GRIK5: variants seen among roughly 807,000 people sequenced by gnomAD.
The protein encoded by GRIK5 is glutamate receptor ionotropic, kainate 5.
Under a neutral mutation model 97.4 loss-of-function variants are expected in GRIK5, and 43 were observed. The observed-to-expected ratio is 0.44, with a 90% CI of 0.35 to 0.57. The LOEUF (loss-of-function observed/expected upper bound fraction) is 0.57. Ranked by LOEUF, GRIK5 falls within the 20% of genes least tolerant of loss-of-function variation. The probability of loss-of-function intolerance (pLI) is 0.01; values close to 1 mark genes in which losing one functional copy is unlikely to be tolerated. For missense variants in GRIK5, 1,015 were observed against 1,382.0 expected (o/e 0.73, Z 4.21); for synonymous variants, 580 against 583.5 (o/e 0.99, Z 0.09).
At chr19:42,013,286 A>G (rs903295540) in intron 15 of GRIK5, among the ~76,000 whole-genome samples, 4 of 152,046 alleles carry the variant, frequency 2.6e-5, no homozygotes, top group African/African-American at 4.8e-5. Flanking sequence ...CAGGAGTTTG[A>G]GGCTGTAGGG....
At chr19:42,016,370 G>A (rs750118802) in intron 15 of GRIK5, among the ~76,000 whole-genome samples, 6 of 152,210 alleles carry the variant, frequency 3.9e-5, no homozygotes, top group South Asian at 4.1e-4. Context: ...GCAGTGAGCC[G>A]AGATCGTGCC....
At chr19:42,040,706 A>C (rs1021079649) in intron 12 of GRIK5, among the ~76,000 whole-genome samples, 11 of 152,134 alleles carry the variant, frequency 7.2e-5, no homozygotes, top group Admixed American at 2.0e-4. Flanking sequence ...AAATACAAAA[A>C]TCAGCCAGGC....
At position 42,021,247 on chromosome 19, in the gene GRIK5, C is replaced by T. The variant is rs1207975975; in HGVS notation, c.1871+54G>A. ...TGCCACAGCCCCAACCCCATCCAGG[C>T]CTCAGATGGGTCCCTCCCTCGCCCC... On this transcript the variant is annotated intron_variant, in intron 15 of 19. Coordinates refer to ENST00000593562, the MANE Select transcript of GRIK5 (RefSeq NM_002088.5). This position sits in a 1 kb window ranked among gnomAD's most constrained non-coding sequence, Gnocchi z 4.2. 2.8e-6 allele frequency: 4 copies of T among 1,448,734 alleles called. No homozygotes were observed. The highest frequency in any genetic ancestry group is 1.9e-5 in the Admixed American group (1 of 53,006). The allele number at this position is 1,448,734 out of a possible 1,614,324, so 89.7% of individuals were successfully genotyped here.
Position 42,054,567 on chromosome 19 carries a change from A to ATAT in GRIK5, c.904-96_904-95insATA. The stretch of plus-strand genomic sequence containing the variant: ...TGAGCTGCCACCCTCAAACCCTCAA[A>ATAT]TAACTTCCCTCTCCCCAGGAATGGG... On this transcript the variant is annotated intron_variant, in intron 8 of 19. Transcript: ENST00000593562. 2.9e-6 allele frequency: 4 copies of ATAT among 1,380,298 alleles called. No homozygotes were observed. The South Asian group carries it at 5.1e-5, about 18-fold the overall frequency. The allele number at this position is 1,380,298 out of a possible 1,614,324, so 85.5% of individuals were successfully genotyped here.
intron 12 of GRIK5, among the ~76,000 whole-genome samples, chr19:42,040,316 C>G (rs1244634855): frequency 1.3e-5 from 2 of 152,140 alleles, no homozygotes; most frequent in African/African-American, 4.8e-5. Context: ...AAGAACTGTT[C>G]CAGACTTCTC....
At chr19:42,053,524 A>C in intron 11 of GRIK5, 78 bp downstream of exon 11, 1 of 876,408 alleles carries the variant, frequency 1.1e-6, no homozygotes, top group Non-Finnish European at 1.9e-6. Context: ...CAGCCAATGC[A>C]TCCCTCCACC....
intron 12 of GRIK5, among the ~76,000 whole-genome samples, chr19:42,040,538 G>A (rs530330108): frequency 2.0e-5 from 3 of 152,226 alleles, no homozygotes; most frequent in African/African-American, 4.8e-5. Context: ...TGTCTCACCC[G>A]GGGCCTCTTT....
In GRIK5 at chr19:41,999,317, G is replaced by C; in HGVS notation, c.2515-18C>G. 2 of 1,502,882 alleles carry C rather than the reference G, an allele frequency of 1.3e-6. No individual in the cohort carries two copies. Among genetic ancestry groups the C allele is most frequent in the South Asian group, 1.2e-5 (1 of 81,606 alleles). 93.1% of individuals were successfully genotyped at this position (1,502,882 alleles called of 1,614,324 possible). ...ACCGACACCTGGGGGTGGCGCGGGC[G>C]GTCACCGTCCCGGCGCAGTCCGCCT... On this transcript the variant is annotated intron_variant, in intron 19 of 19. Coordinates refer to ENST00000593562, the MANE Select transcript of GRIK5 (RefSeq NM_002088.5). This position sits in a 1 kb window ranked among gnomAD's most constrained non-coding sequence, Gnocchi z 5.0.
In GRIK5 at chr19:41,998,979, C is replaced by T. The variant is rs782455178; in HGVS notation, c.2835G>A (p.Ser945=). The T allele has an allele frequency of 1.2e-4, 147 of 1,180,694 alleles. No homozygotes were observed. Among genetic ancestry groups the T allele is most frequent in the Admixed American group, 1.9e-4 (5 of 25,948 alleles). 73.1% of individuals were successfully genotyped at this position (1,180,694 alleles called of 1,614,324 possible). ...ECRRIQALRA[S]GAGAPPRGLG... ...GGCCACGCGGAGGCGCGCCGGCCCC[C>T]GAGGCCCGCAGCGCCTGGATGCGCC... Residue 945 remains serine (S), a synonymous_variant, in exon 20 of 20, where the codon TCG becomes TCA. Coordinates refer to ENST00000593562, the MANE Select transcript of GRIK5 (RefSeq NM_002088.5).
intron 11 of GRIK5, among the ~76,000 whole-genome samples, chr19:42,052,629 G>A (rs1172274766): frequency 3.3e-5 from 5 of 152,244 alleles, no homozygotes; most frequent in African/African-American, 4.8e-5. Context: ...ACACAGCTCA[G>A]AGTTACTGAG....
At chr19:42,047,704 T>C (rs982507857) in intron 11 of GRIK5, among the ~76,000 whole-genome samples, 2 of 152,080 alleles carry the variant, frequency 1.3e-5, no homozygotes, top group Admixed American at 1.3e-4. Flanking sequence ...GTGCGGTGGA[T>C]CATGCCTGTA....
chr19:42,010,844 G>T lies in GRIK5; in HGVS notation c.1872-4034C>A, dbSNP rs573318699. Among the ~76,000 whole-genome samples the T allele has an allele frequency of 1.4e-4, 22 of 152,168 alleles. No homozygotes were observed. The South Asian group carries it at 4.6e-3, about 32-fold the overall frequency. On this transcript the variant is annotated intron_variant, in intron 15 of 19. Transcript: ENST00000593562. ...GGTTTGGTTTTGTTTTTGAGACAGGGTCCTGCTCTAGGGTGGAGAGGCGTG... is the reference window on the plus strand; with the variant it reads ...GGTTTGGTTTTGTTTTTGAGACAGGTTCCTGCTCTAGGGTGGAGAGGCGTG...
chr19:42,059,583 T>C, intron 5 of GRIK5, 56 bp from the exon 6 acceptor site: 1 of 1,459,132 alleles, frequency 6.9e-7, no homozygotes. Context: ...AGGCATGGCG[T>C]AGACACTCTC....
intron 12 of GRIK5, among the ~76,000 whole-genome samples, chr19:42,027,411 C>T (rs1039234494): frequency 6.6e-6 from 1 of 152,210 alleles, no homozygotes; most frequent in African/African-American, 2.4e-5. Flanking sequence ...AAGAGACTTG[C>T]AGCATCCAGC....
rs1291685459 is a variant in GRIK5 at position 42,022,838 on chromosome 19, G to A, written c.1474-484C>T. ...TCAGCATGTGCCCACAGCCAGTGGA[G>A]ACATAACCCAGGCCCCGGCCCAGTG... is the stretch of plus-strand genomic sequence containing the variant. On this transcript the variant is annotated intron_variant, in intron 12 of 19. Transcript: ENST00000593562. The surrounding 1 kb of genome is among the most constrained non-coding windows in gnomAD (Gnocchi z 4.2). 6.6e-6 allele frequency among the ~76,000 whole-genome samples: 1 copy of A among 151,962 alleles called. No individual in the cohort carries two copies. Among genetic ancestry groups the A allele is most frequent in the Non-Finnish European group, 1.5e-5 (1 of 67,996 alleles).
intron 8 of GRIK5, among the ~76,000 whole-genome samples, chr19:42,056,335 G>A (rs1360476535): frequency 6.6e-6 from 1 of 152,150 alleles, no homozygotes; most frequent in Non-Finnish European, 1.5e-5. Flanking sequence ...TATACCTGAG[G>A]GGACACTGGA....
chr19:42,056,097 C>T (rs1420943177), intron 8 of GRIK5, among the ~76,000 whole-genome samples: 1 of 152,008 alleles, frequency 6.6e-6, no homozygotes, highest in Admixed American at 6.6e-5. Flanking sequence ...GTGATTCTTC[C>T]ACCTCAGCCT....
rs782773373 is a variant in GRIK5 at position 42,003,592 on chromosome 19, C to G, written c.2355G>C (p.Gly785=). Residue 785 remains glycine, a synonymous_variant, in exon 18 of 20, where the codon GGG becomes GGC. Transcript: ENST00000593562. This position sits in a 1 kb window ranked among gnomAD's most constrained non-coding sequence, Gnocchi z 4.2. ...GGTCCTCCTCCTTGGGGCACCGGCC[C>G]CCCTCCCACCACTTGCGCTTCAGGA... ...LEILKRKWWE[G]GRCPKEEDHR... 3 of 1,613,356 alleles carry G rather than the reference C, an allele frequency of 1.9e-6. No individual in the cohort carries two copies. The highest frequency in any genetic ancestry group is 3.3e-5 in the Admixed American group (2 of 59,914).
rs2076192277 is a variant in GRIK5, at chr19:42,056,787, C to T, written c.778G>A (p.Asp260Asn). ...PILHLDGIVE[D>N]SSNILGFSMF... ...GAGAAGCCCAGGATGTTGGAGGAGT[C>T]CTCCACAATACCGTCCAGATGCAGG... The change falls in exon 8 of 20, where the codon GAC (aspartate) becomes AAC (asparagine). Residue 260 changes from aspartate to asparagine, a missense_variant. Physicochemically the swap from Asp to Asn is conservative, Grantham distance 23. Transcript: ENST00000593562. The T allele has an allele frequency of 6.2e-7, 1 of 1,614,108 alleles. No homozygotes were observed. The highest frequency in any genetic ancestry group is 8.5e-7 in the Non-Finnish European group (1 of 1,179,998).
Sources: allele counts gnomAD v4.1 joint callset (sites outside exome capture counted in the v4.1 genomes callset), GRCh38; gene constraint gnomAD v4.1.1; non-coding constraint Gnocchi (gnomAD v3.1); transcripts MANE v1.5; gene names NCBI Gene and HGNC (gene_info 2026-07-23, HGNC 2026-07-21).